The following AGBL4 variants were observed in gnomAD, a reference collection of about 807,000 sequenced individuals.
AGBL4 encodes AGBL carboxypeptidase 4.
Under a neutral mutation model 66.4 loss-of-function variants are expected in AGBL4, and 58 were observed. The observed-to-expected ratio is 0.87, with a 90% CI of 0.71 to 1.09. The LOEUF (loss-of-function observed/expected upper bound fraction) is 1.09. Among genes scored for constraint, AGBL4 ranks in the 50% least tolerant of loss-of-function variants. AGBL4 has a pLI of 0.00. For synonymous variants in AGBL4, 234 were observed against 222.9 expected (o/e 1.05, Z -0.44); for missense variants, 579 against 631.0 (o/e 0.92, Z 0.88).
intron 6 of AGBL4, among the ~76,000 whole-genome samples, chr1:48,859,009 T>A (rs1647272871): frequency 6.6e-6 from 1 of 151,998 alleles, no homozygotes; most frequent in Non-Finnish European, 1.5e-5. Context: ...CCCATTTGAA[T>A]TTATGGTCAT....
chr1:49,773,500 G>C (rs1045522822), intron 2 of AGBL4, among the ~76,000 whole-genome samples: 1 of 152,146 alleles, frequency 6.6e-6, no homozygotes, highest in Non-Finnish European at 1.5e-5. Flanking sequence ...CTTCAGCTCT[G>C]GGTGGACTCA....
chr1:49,427,307 G>A (rs1052492631), intron 3 of AGBL4, among the ~76,000 whole-genome samples: 3 of 152,112 alleles, frequency 2.0e-5, no homozygotes, highest in Admixed American at 6.5e-5. Context: ...ACCCGAGAGA[G>A]TTGAATGTTC....
chr1:49,647,917 T>C (rs1304727776), intron 3 of AGBL4, among the ~76,000 whole-genome samples: 2 of 151,124 alleles, frequency 1.3e-5, no homozygotes, highest in Admixed American at 6.6e-5. Context: ...TCTCTTTCCA[T>C]ATCTTACCAC....
Position 49,479,704 on chromosome 1 carries a change from T to TTTC in AGBL4, c.282+217608_282+217609insGAA, listed in dbSNP as rs568037591. Among the ~76,000 whole-genome samples the TTTC allele has an allele frequency of 3.3e-4, 45 of 136,576 alleles. No homozygotes were observed. The South Asian group carries it at 9.9e-3, about 30-fold the overall frequency. The allele number at this position is 136,576 out of a possible 152,430, so 89.6% of individuals were successfully genotyped here. A position where few individuals can be genotyped will look rare whatever the true frequency, so the allele number is the denominator to read the frequency against. On this transcript the variant is annotated intron_variant, in intron 3 of 13. Coordinates refer to ENST00000371839, the MANE Select transcript of AGBL4 (RefSeq NM_032785.4). ...TACCACATTTTCTTTTCTTTTTTTC[T>TTTC]TTTTTTTTTTTTTTTGAGGCAGAGT...
chr1:49,035,568 C>T (rs965966285), intron 5 of AGBL4, among the ~76,000 whole-genome samples: 1 of 152,124 alleles, frequency 6.6e-6, no homozygotes, highest in South Asian at 2.1e-4. Context: ...AGCCCACTCA[C>T]CCACCTCCTG....
chr1:49,992,170 G>A (rs1234594858), intron 1 of AGBL4, among the ~76,000 whole-genome samples: 1 of 152,080 alleles, frequency 6.6e-6, no homozygotes, highest in South Asian at 2.1e-4. Context: ...AGGAGATCGA[G>A]ACCATCCTGG....
intron 2 of AGBL4, among the ~76,000 whole-genome samples, chr1:49,851,120 C>CA (rs995394265): frequency 4.0e-5 from 6 of 151,812 alleles, no homozygotes; most frequent in East Asian, 1.9e-4. Flanking sequence ...GGTTTTATTC[C>CA]AAAAAAATAA....
intron 3 of AGBL4, among the ~76,000 whole-genome samples, chr1:49,246,831 C>A (rs1455202590): frequency 2.0e-5 from 3 of 151,930 alleles, no homozygotes; most frequent in African/African-American, 7.2e-5. Flanking sequence ...TTACCACAGG[C>A]TAGCCTTTCT....
intron 1 of AGBL4, among the ~76,000 whole-genome samples, chr1:49,958,359 A>T (rs1196796862): frequency 6.6e-6 from 1 of 151,922 alleles, no homozygotes; most frequent in Non-Finnish European, 1.5e-5. Flanking sequence ...CTTCTTGAGG[A>T]GTATCTTTGT....
intron 5 of AGBL4, among the ~76,000 whole-genome samples, chr1:49,006,383 C>T (rs1034671109): frequency 1.3e-5 from 2 of 152,118 alleles, no homozygotes; most frequent in African/African-American, 2.4e-5. Flanking sequence ...CCTACGCCCA[C>T]GGAGTCTTGC....
chr1:49,590,987 A>C (rs1190686344), intron 3 of AGBL4, among the ~76,000 whole-genome samples: 1 of 152,128 alleles, frequency 6.6e-6, no homozygotes, highest in East Asian at 1.9e-4. Context: ...GGATTACAAA[A>C]ATTAATAGGA....
intron 4 of AGBL4, among the ~76,000 whole-genome samples, chr1:49,050,521 A>AAT (rs1365189462): frequency 2.6e-5 from 4 of 152,156 alleles, no homozygotes; most frequent in South Asian, 2.1e-4. Flanking sequence ...CAGCTCCACT[A>AAT]ATATATATAT....
intron 4 of AGBL4, among the ~76,000 whole-genome samples, chr1:49,120,554 C>T (rs6690014): frequency 0.1 from 15,527 of 152,118 alleles, 1,292 homozygotes; most frequent in African/African-American, 0.22. Flanking sequence ...GGGTTTCTGC[C>T]GAGAGATCTG....
At chr1:48,800,263 C>G (rs1028322549) in intron 6 of AGBL4, among the ~76,000 whole-genome samples, 5 of 152,110 alleles carry the variant, frequency 3.3e-5, no homozygotes, top group Non-Finnish European at 7.4e-5. Flanking sequence ...TCCATCTCCT[C>G]TAGGTTTTCT....
intron 2 of AGBL4, among the ~76,000 whole-genome samples, chr1:49,710,401 G>T (rs1379740615): frequency 1.3e-5 from 2 of 151,996 alleles, no homozygotes; most frequent in African/African-American, 4.8e-5. Context: ...AGACCATATG[G>T]GTACAGGGAA....
At chr1:49,816,558 A>G (rs1013312917) in intron 2 of AGBL4, among the ~76,000 whole-genome samples, 1 of 152,178 alleles carries the variant, frequency 6.6e-6, no homozygotes, top group Admixed American at 6.5e-5. Context: ...ATTCATATCT[A>G]GAGGGCAAGG....
intron 3 of AGBL4, among the ~76,000 whole-genome samples, chr1:49,291,004 A>G (rs1398665612): frequency 1.3e-5 from 2 of 152,156 alleles, no homozygotes; most frequent in Non-Finnish European, 2.9e-5. Flanking sequence ...CGAGGAAAAA[A>G]ATAGTATTAC....
chr1:48,616,299 A>G (rs1645316856), intron 9 of AGBL4, among the ~76,000 whole-genome samples: 1 of 152,232 alleles, frequency 6.6e-6, no homozygotes, highest in Admixed American at 6.5e-5. Context: ...CCATGCCCTC[A>G]GATTCCAGGA....
intron 3 of AGBL4, among the ~76,000 whole-genome samples, chr1:49,506,022 T>C (rs926734555): frequency 2.6e-5 from 4 of 152,040 alleles, no homozygotes; most frequent in African/African-American, 4.8e-5. Flanking sequence ...ATTTCACTCA[T>C]TGTATTTTTC....
Sources: gnomAD v4.1 joint callset for allele counts (sites outside exome capture counted in the v4.1 genomes callset) on GRCh38, gnomAD v4.1.1 for gene constraint, MANE v1.5 for transcripts, NCBI Gene and HGNC (gene_info 2026-07-23, HGNC 2026-07-21) for gene names.